The following NRG1 variants were observed in gnomAD, a reference collection of about 807,000 sequenced individuals.
NRG1 encodes neuregulin 1, also known as pro-neuregulin-1, membrane-bound isoform.
A neutral mutation model predicts 63.8 loss-of-function variants in NRG1; 18 were observed. That is an observed-to-expected ratio of 0.28 (90% CI 0.19 to 0.42). The LOEUF (loss-of-function observed/expected upper bound fraction) is 0.42, where lower values mean the gene tolerates loss of function less well. NRG1 is among the 10% of genes least tolerant of loss of function. The pLI, the probability that NRG1 is intolerant of heterozygous loss-of-function variation, is 1.00. For synonymous variants in NRG1, 302 were observed against 301.3 expected (o/e 1.00, Z -0.02); for missense variants, 762 against 814.7 (o/e 0.94, Z 0.79).
intron 1 of NRG1, among the ~76,000 whole-genome samples, chr8:31,676,089 G>A (rs1807667138): frequency 6.6e-6 from 1 of 152,046 alleles, no homozygotes; most frequent in African/African-American, 2.4e-5. Flanking sequence ...TTCCATTTCT[G>A]ATTGTAATGT....
intron 1 of NRG1, among the ~76,000 whole-genome samples, chr8:32,333,985 G>T (rs1305282937): frequency 7.9e-5 from 12 of 152,114 alleles, no homozygotes; most frequent in Admixed American, 4.6e-4. Flanking sequence ...AGGTTGAAGT[G>T]CCACTTCTTC....
chr8:32,674,984 A>G (rs1806675037), intron 5 of NRG1, among the ~76,000 whole-genome samples: 1 of 152,166 alleles, frequency 6.6e-6, no homozygotes. Context: ...TTTGTATTAT[A>G]TGGGATACCA....
At chr8:32,123,209 C>T (rs2131568687) in intron 1 of NRG1, among the ~76,000 whole-genome samples, 1 of 151,968 alleles carries the variant, frequency 6.6e-6, no homozygotes, top group Non-Finnish European at 1.5e-5. Flanking sequence ...TGGCTGTGGC[C>T]CCCTCCCAAA....
intron 1 of NRG1, among the ~76,000 whole-genome samples, chr8:31,990,999 G>A (rs1248593682): frequency 6.6e-6 from 1 of 152,042 alleles, no homozygotes. Context: ...GTACTTGAAA[G>A]TTGTTACTTT....
chr8:31,814,509 A>G (rs538154532), intron 1 of NRG1, among the ~76,000 whole-genome samples: 1 of 152,238 alleles, frequency 6.6e-6, no homozygotes, highest in South Asian at 2.1e-4. Flanking sequence ...CATAGGATAT[A>G]TTTGCTAAAT....
intron 1 of NRG1, among the ~76,000 whole-genome samples, chr8:32,255,549 G>T (rs1372838421): frequency 6.6e-6 from 1 of 152,182 alleles, no homozygotes; most frequent in Non-Finnish European, 1.5e-5. Context: ...TAGGGTTTCT[G>T]CAGAGAATTC....
chr8:32,016,360 G>A (rs1483509375), intron 1 of NRG1, among the ~76,000 whole-genome samples: 2 of 151,990 alleles, frequency 1.3e-5, no homozygotes, highest in Admixed American at 1.3e-4. Context: ...ACTGTGACTG[G>A]CCTCTGTAAC....
At chr8:32,764,579 T>G in exon 12 of NRG1, 3 of 525,372 alleles carry the variant, frequency 5.7e-6, no homozygotes, top group Non-Finnish European at 9.3e-6. Context: ...ATGTAGCAAT[T>G]TTTTACAGTA....
chr8:32,303,178 A>C (rs1252243678), intron 1 of NRG1, among the ~76,000 whole-genome samples: 2 of 82,628 alleles, frequency 2.4e-5, no homozygotes, highest in Non-Finnish European at 4.8e-5. Context: ...AGAGAAACTC[A>C]GTCTCCAAAA....
chr8:32,598,933 C>G (rs1843833031), intron 2 of NRG1, among the ~76,000 whole-genome samples: 1 of 151,640 alleles, frequency 6.6e-6, no homozygotes, highest in Admixed American at 6.6e-5. Flanking sequence ...ATTGTTATAC[C>G]CATTTAAAAC....
intron 1 of NRG1, among the ~76,000 whole-genome samples, chr8:31,675,235 G>A (rs1011199145): frequency 3.3e-5 from 5 of 152,122 alleles, no homozygotes; most frequent in East Asian, 1.9e-4. Context: ...CCAGCTACTC[G>A]GGAGGCTGAG....
intron 1 of NRG1, among the ~76,000 whole-genome samples, chr8:32,079,882 T>G (rs1166790175): frequency 6.6e-6 from 1 of 152,186 alleles, no homozygotes; most frequent in Non-Finnish European, 1.5e-5. Flanking sequence ...TCATTTTTGA[T>G]GTCTACACAT....
intron 1 of NRG1, among the ~76,000 whole-genome samples, chr8:32,370,367 T>A (rs761198966): frequency 6.6e-6 from 1 of 152,168 alleles, no homozygotes; most frequent in Non-Finnish European, 1.5e-5. Context: ...GCAAATGGAC[T>A]GTTACGAGAG....
At chr8:32,307,004 G>C (rs1357473812) in intron 1 of NRG1, among the ~76,000 whole-genome samples, 1 of 152,150 alleles carries the variant, frequency 6.6e-6, no homozygotes, top group African/African-American at 2.4e-5. Flanking sequence ...TCACTTCCCA[G>C]ATAAGGAGGT....
intron 1 of NRG1, among the ~76,000 whole-genome samples, chr8:32,150,144 G>A (rs879214266): frequency 4.6e-5 from 7 of 152,132 alleles, no homozygotes; most frequent in Admixed American, 1.3e-4. Context: ...CAAACACTAC[G>A]TAGCATTTAC....
chr8:31,943,496 G>A (rs1196394248), intron 1 of NRG1, among the ~76,000 whole-genome samples: 2 of 151,634 alleles, frequency 1.3e-5, no homozygotes, highest in Admixed American at 1.3e-4. Flanking sequence ...ACTTACTCAT[G>A]TAACCAATCA....
At chr8:32,423,990 C>T (rs910518707) in intron 1 of NRG1, among the ~76,000 whole-genome samples, 34 of 152,154 alleles carry the variant, frequency 2.2e-4, no homozygotes, top group Non-Finnish European at 4.4e-5. Context: ...TGGAATTCTA[C>T]AAGTTTATGT....
intron 1 of NRG1, among the ~76,000 whole-genome samples, chr8:31,685,491 A>T (rs1808790806): frequency 6.6e-6 from 1 of 152,222 alleles, no homozygotes; most frequent in Non-Finnish European, 1.5e-5. Flanking sequence ...TGGCAGTTTA[A>T]ACAGCTTTAT....
At chr8:32,147,855 T>A (rs974791338) in intron 1 of NRG1, among the ~76,000 whole-genome samples, 3 of 152,194 alleles carry the variant, frequency 2.0e-5, no homozygotes, top group African/African-American at 7.2e-5. Flanking sequence ...GAATTCAGCA[T>A]TATCTTTATT....
Sources: allele counts gnomAD v4.1 joint callset (sites outside exome capture counted in the v4.1 genomes callset), GRCh38; gene constraint gnomAD v4.1.1; transcripts MANE v1.5; gene names NCBI Gene and HGNC (gene_info 2026-07-23, HGNC 2026-07-21).